The following LRMDA variants were observed in gnomAD, a reference collection of about 807,000 sequenced individuals.
LRMDA encodes leucine rich melanocyte differentiation associated.
A neutral mutation model predicts 29.8 loss-of-function variants in LRMDA; 18 were observed. The observed-to-expected ratio is 0.60, with a 90% CI of 0.42 to 0.90. The LOEUF (loss-of-function observed/expected upper bound fraction) is 0.90, where lower values mean the gene tolerates loss of function less well. LRMDA is among the 40% of genes least tolerant of loss of function. LRMDA has a pLI of 0.00. For missense variants in LRMDA, 273 were observed against 273.9 expected (o/e 1.00, Z 0.02); for synonymous variants, 125 against 109.4 (o/e 1.14, Z -0.89).
At chr10:75,746,994 G>A (rs558840124) in intron 2 of LRMDA, among the ~76,000 whole-genome samples, 1 of 152,158 alleles carries the variant, frequency 6.6e-6, no homozygotes, top group South Asian at 2.1e-4. Context: ...TGATTTAACC[G>A]TGGTTCTGAA....
At chr10:76,033,911 C>G (rs1046084203) in intron 2 of LRMDA, among the ~76,000 whole-genome samples, 2 of 152,042 alleles carry the variant, frequency 1.3e-5, no homozygotes, top group African/African-American at 4.8e-5. Flanking sequence ...GGGCCCGTCC[C>G]CTGCATTCCA....
intron 6 of LRMDA, among the ~76,000 whole-genome samples, chr10:76,415,179 T>C (rs1842001816): frequency 6.6e-6 from 1 of 152,244 alleles, no homozygotes; most frequent in Non-Finnish European, 1.5e-5. Context: ...CTGGGGACCT[T>C]CTGGTTCTCT....
Position 76,536,716 on chromosome 10 carries a change from C to T in LRMDA, c.602-20493C>T, listed in dbSNP as rs180969901. 1.5e-4 allele frequency among the ~76,000 whole-genome samples: 23 copies of T among 152,136 alleles called. No homozygotes were observed. The East Asian group carries it at 4.2e-3, about 28-fold the overall frequency. ...ATGAGGCACGTGTTATTTAATGATC[C>T]CTTTTCCCCTTCTTAGTGATGCTAA... On this transcript the variant is annotated intron_variant, in intron 6 of 6. Transcript: ENST00000611255.
chr10:75,871,772 G>C (rs1845115407), intron 2 of LRMDA, among the ~76,000 whole-genome samples: 1 of 152,116 alleles, frequency 6.6e-6, no homozygotes, highest in South Asian at 2.1e-4. Flanking sequence ...CCCTGGGTTT[G>C]TTTGATATCA....
chr10:75,710,419 G>C (rs868862571), intron 2 of LRMDA, among the ~76,000 whole-genome samples: 4 of 152,230 alleles, frequency 2.6e-5, no homozygotes, highest in Non-Finnish European at 5.9e-5. Flanking sequence ...TAGGCGTGAT[G>C]CTTCAGATGA....
rs1334087810 is a variant in LRMDA, at chr10:76,157,276, T to C, written c.516+98493T>C. ...ATGATAGTGGAAAGAAGCAAATGAA[T>C]TTTTGCCATAGTATATTTCAAATTG... On this transcript the variant is annotated intron_variant, in intron 5 of 6. Coordinates refer to ENST00000611255, the MANE Select transcript of LRMDA (RefSeq NM_001305581.2). Among the ~76,000 whole-genome samples the C allele has an allele frequency of 2.6e-5, 4 of 152,238 alleles. No homozygotes were observed. The East Asian group carries it at 7.7e-4, about 29-fold the overall frequency.
At chr10:76,543,335 TG>T (rs1433962906) in intron 6 of LRMDA, among the ~76,000 whole-genome samples, 79 of 64,390 alleles carry the variant, frequency 1.2e-3, no homozygotes, top group African/African-American at 5.0e-3. Flanking sequence ...TGTGTGTGTG[TG>T]TGTGTGTGTG....
intron 5 of LRMDA, among the ~76,000 whole-genome samples, chr10:76,138,951 C>T (rs766666524): frequency 4.6e-5 from 7 of 152,060 alleles, no homozygotes; most frequent in Non-Finnish European, 7.4e-5. Flanking sequence ...AATAGCCAAT[C>T]GGCAATATAA....
chr10:75,818,506 C>A (rs1042880249), intron 2 of LRMDA, among the ~76,000 whole-genome samples: 1 of 152,146 alleles, frequency 6.6e-6, no homozygotes, highest in Non-Finnish European at 1.5e-5. Context: ...GAGATGAGAT[C>A]TTATTTGAAT....
intron 6 of LRMDA, among the ~76,000 whole-genome samples, chr10:76,339,795 C>T (rs182202434): frequency 2.0e-5 from 3 of 151,884 alleles, no homozygotes; most frequent in Non-Finnish European, 4.4e-5. Context: ...CCAGTGCTGT[C>T]TCAAGAAGAA....
chr10:75,839,691 TC>T (rs1185736684), intron 2 of LRMDA, among the ~76,000 whole-genome samples: 1 of 147,958 alleles, frequency 6.8e-6, no homozygotes, highest in Non-Finnish European at 1.5e-5. Flanking sequence ...TTAGGATGCA[TC>T]CGACTTTCTT....
intron 2 of LRMDA, among the ~76,000 whole-genome samples, chr10:76,018,542 G>T (rs1322366875): frequency 6.6e-6 from 1 of 151,864 alleles, no homozygotes; most frequent in Non-Finnish European, 1.5e-5. Flanking sequence ...AATTGTACAA[G>T]GCATAAAGAT....
In LRMDA at chr10:75,821,551, C is replaced by T. The variant is rs532107870; in HGVS notation, c.132-214457C>T. Among the ~76,000 whole-genome samples the T allele has an allele frequency of 1.6e-3, 250 of 152,212 alleles. 1 individual carries two copies. Among genetic ancestry groups the T allele is most frequent in the African/African-American group, 5.4e-3 (225 of 41,536 alleles). ...TTGGGAGGCTGAGATGGGTGGATCA[C>T]GAGGTCAGGAGATTGAGACCATCCT... On this transcript the variant is annotated intron_variant, in intron 2 of 6. Transcript: ENST00000611255.
At chr10:75,505,677 C>G (rs1211662719) in intron 2 of LRMDA, among the ~76,000 whole-genome samples, 1 of 152,158 alleles carries the variant, frequency 6.6e-6, no homozygotes, top group African/African-American at 2.4e-5. Flanking sequence ...GCCTGGAATG[C>G]CCTTCTTTCA....
intron 2 of LRMDA, among the ~76,000 whole-genome samples, chr10:75,906,770 A>G (rs7082215): frequency 0.15 from 23,003 of 152,268 alleles, 2,538 homozygotes; most frequent in East Asian, 0.63. Context: ...ATTGATGCCG[A>G]AACAAGGCAG....
chr10:76,032,513 G>C (rs1037152469), intron 2 of LRMDA, among the ~76,000 whole-genome samples: 2 of 152,230 alleles, frequency 1.3e-5, no homozygotes, highest in Non-Finnish European at 2.9e-5. Context: ...AGCCCAATGC[G>C]TTGTGATGTT....
At chr10:76,254,358 C>CCTATGCTATTCTATG (rs1852548108) in intron 5 of LRMDA, among the ~76,000 whole-genome samples, 2 of 131,330 alleles carry the variant, frequency 1.5e-5, no homozygotes, top group African/African-American at 2.8e-5. Context: ...CCTATCCTAT[C>CCTATGCTATTCTATG]CTATGCTATG....
intron 2 of LRMDA, among the ~76,000 whole-genome samples, chr10:75,522,948 G>C (rs903393941): frequency 6.6e-6 from 1 of 152,196 alleles, no homozygotes; most frequent in Non-Finnish European, 1.5e-5. Context: ...CTGAGGGCTT[G>C]GGTGCCTATG....
At chr10:76,073,568 T>C (rs561273796) in intron 5 of LRMDA, among the ~76,000 whole-genome samples, 1 of 152,338 alleles carries the variant, frequency 6.6e-6, no homozygotes, top group South Asian at 2.1e-4. Context: ...TATGTGTGTG[T>C]GTGTATGTGT....
Sources: gnomAD v4.1 joint callset for allele counts (sites outside exome capture counted in the v4.1 genomes callset) on GRCh38, gnomAD v4.1.1 for gene constraint, MANE v1.5 for transcripts, NCBI Gene and HGNC (gene_info 2026-07-23, HGNC 2026-07-21) for gene names.